LRRFIP1: variants seen among roughly 807,000 people sequenced by gnomAD.
LRRFIP1 encodes the protein leucine-rich repeat flightless-interacting protein 1.
In LRRFIP1, 62 loss-of-function variants were observed where a neutral mutation model predicts 104.4. The ratio of observed to expected loss-of-function variants is 0.59; its 90% CI spans 0.48 to 0.73. LRRFIP1 has a LOEUF of 0.73. LRRFIP1 is among the 30% of genes least tolerant of loss of function. LRRFIP1 has a pLI of 0.00. For synonymous variants in LRRFIP1, 300 were observed against 299.0 expected, an observed-to-expected ratio of 1.00 and a Z score of -0.03; for missense variants, 796 against 824.5, an observed-to-expected ratio of 0.97 and a Z score of 0.42.
At chr2:237,697,947 A>G (rs958566068) in intron 1 of LRRFIP1, among the ~76,000 whole-genome samples, 3 of 152,226 alleles carry the variant, frequency 2.0e-5, no homozygotes, top group African/African-American at 7.2e-5. Flanking sequence ...TAACAGCAAG[A>G]GTAGAAGTTC....
Position 237,774,460 on chromosome 2 carries a change from G to C in LRRFIP1, c.1810G>C (p.Glu604Gln), listed in dbSNP as rs1212813435. 2 of 1,606,128 alleles carry C rather than the reference G, an allele frequency of 1.2e-6. No individual in the cohort carries two copies. The highest frequency in any genetic ancestry group is 1.7e-6 in the Non-Finnish European group (2 of 1,173,568). Residue 604 changes from glutamate to glutamine, a missense_variant and splice_region_variant, in exon 23 of 24, where the codon GAG (glutamate) becomes CAG (glutamine). Coordinates refer to ENST00000308482, the MANE Select transcript of LRRFIP1 (RefSeq NM_001137550.2). ...LKAEKRKLQR[E>Q]LRSALDKTEE... ...GGCAGAAAAACGGAAACTCCAAAGAGAGGTAAATTTCCTAGGCAATTTCTA... is the reference window on the plus strand; with the variant it reads ...GGCAGAAAAACGGAAACTCCAAAGACAGGTAAATTTCCTAGGCAATTTCTA...
intron 1 of LRRFIP1, chr2:237,692,345 G>A: frequency 7.9e-7 from 1 of 1,264,142 alleles, no homozygotes; most frequent in Non-Finnish European, 1.0e-6. Context: ...TTAGCGGCGA[G>A]TGGCTCCGTC....
At chr2:237,777,997 G>A (rs1205687141) in intron 23 of LRRFIP1, among the ~76,000 whole-genome samples, 11 of 152,092 alleles carry the variant, frequency 7.2e-5, no homozygotes, top group Non-Finnish European at 1.6e-4. Flanking sequence ...GTTCATGTAT[G>A]TCCTCTTTTT....
In LRRFIP1 at chr2:237,769,977, A is replaced by T. The variant is rs753123434; in HGVS notation, c.1494A>T (p.Glu498Asp). 7 of 1,604,548 alleles carry T rather than the reference A, an allele frequency of 4.4e-6. No individual in the cohort carries two copies. In the East Asian group the frequency reaches 1.3e-4, roughly 31 times the overall value. ...IRLKKLVDER[E>D]CLLEQIKKLK... ...TGAAAAAGCTGGTTGATGAACGGGA[A>T]TGCTTATTGGAACAGGTAACAATCT... Residue 498 changes from glutamate (E) to aspartate (D), a missense_variant, in exon 20 of 24, where the codon GAA becomes GAT. Physicochemically the swap from Glu to Asp is conservative, Grantham distance 45 (BLOSUM62 2). Coordinates refer to ENST00000308482, the MANE Select transcript of LRRFIP1 (RefSeq NM_001137550.2).
At chr2:237,714,150 C>A in intron 2 of LRRFIP1, 109 bp from the exon 3 acceptor site, 1 of 665,708 alleles carries the variant, frequency 1.5e-6, no homozygotes, top group Non-Finnish European at 2.6e-6. Flanking sequence ...TTACTGTATT[C>A]GTTGTGACTT....
intron 1 of LRRFIP1, among the ~76,000 whole-genome samples, chr2:237,678,686 T>G (rs1295696733): frequency 1.3e-5 from 2 of 149,376 alleles, no homozygotes; most frequent in Non-Finnish European, 2.9e-5. Context: ...TTGGATTTTT[T>G]TAGTAGAGAC....
At chr2:237,748,000 C>T (rs897815917) in intron 11 of LRRFIP1, among the ~76,000 whole-genome samples, 3 of 152,176 alleles carry the variant, frequency 2.0e-5, no homozygotes, top group Non-Finnish European at 2.9e-5. Context: ...ACACCACTGC[C>T]GGCCTCTGCC....
chr2:237,661,640 C>T lies in LRRFIP1; in HGVS notation c.96+33900C>T, dbSNP rs1313822742. ...GATGGAATTTTTCAGTGATACCTAACATCTGTCCCAGAGCCATGCACGTTC... is the reference window on the plus strand; with the variant it reads ...GATGGAATTTTTCAGTGATACCTAATATCTGTCCCAGAGCCATGCACGTTC... On this transcript the variant is annotated intron_variant, in intron 1 of 23. Transcript: ENST00000308482. The surrounding 1 kb of genome is among the most constrained non-coding windows in gnomAD (Gnocchi z 4.4). Among the ~76,000 whole-genome samples, 2 of 152,206 alleles carry T rather than the reference C, an allele frequency of 1.3e-5. No homozygotes were observed. Among genetic ancestry groups the T allele is most frequent in the Non-Finnish European group, 2.9e-5 (2 of 68,042 alleles).
chr2:237,668,627 T>C (rs1156359672), intron 1 of LRRFIP1, among the ~76,000 whole-genome samples: 1 of 152,132 alleles, frequency 6.6e-6, no homozygotes. Flanking sequence ...CCAGCCTCAG[T>C]TCCCCCTCCT....
rs2094393788 is a variant in LRRFIP1 at position 237,717,709 on chromosome 2, C to T, written c.202-53C>T. On this transcript the variant is annotated intron_variant, in intron 3 of 23. Coordinates refer to ENST00000308482, the MANE Select transcript of LRRFIP1 (RefSeq NM_001137550.2). The surrounding 1 kb of genome is among the most constrained non-coding windows in gnomAD (Gnocchi z 4.2). ...GTCAGAACAGTGCCTTAGACAACTGCCTTTTTAAGAAATTTCACTTCTTGC... is the reference window on the plus strand; with the variant it reads ...GTCAGAACAGTGCCTTAGACAACTGTCTTTTTAAGAAATTTCACTTCTTGC... 2.9e-6 allele frequency: 4 copies of T among 1,362,782 alleles called. No homozygotes were observed. Among genetic ancestry groups the T allele is most frequent in the Non-Finnish European group, 3.2e-6 (3 of 951,076 alleles). 84.4% of individuals were successfully genotyped at this position (1,362,782 alleles called of 1,614,324 possible).
intron 11 of LRRFIP1, among the ~76,000 whole-genome samples, chr2:237,742,720 G>A (rs1364481933): frequency 1.3e-5 from 2 of 152,214 alleles, no homozygotes; most frequent in African/African-American, 2.4e-5. Context: ...TGGCCTTGTT[G>A]ATGGGAAGAA....
In LRRFIP1 at chr2:237,766,302, G is replaced by A. The variant is rs531284286; in HGVS notation, c.1460-3641G>A. Among the ~76,000 whole-genome samples, 1 of 152,262 alleles carries A rather than the reference G, an allele frequency of 6.6e-6. No homozygotes were observed. The highest frequency in any genetic ancestry group is 2.1e-4 in the South Asian group (1 of 4,826). On this transcript the variant is annotated intron_variant, in intron 19 of 23. Transcript: ENST00000308482. This position sits in a 1 kb window ranked among gnomAD's most constrained non-coding sequence, Gnocchi z 4.8. ...CTCAAGTGTCCTGAAGTAGAGGATG[G>A]TGGGGATGATAAATGCTTGCTAGGA...
In LRRFIP1 at chr2:237,717,031, T is replaced by A. The variant is rs2094359819; in HGVS notation, c.202-731T>A. 6.6e-6 allele frequency among the ~76,000 whole-genome samples: 1 copy of A among 151,978 alleles called. No individual in the cohort carries two copies. The highest frequency in any genetic ancestry group is 1.9e-4 in the East Asian group (1 of 5,190). ...AATTTTTTTTGCAATTTTTTTTTTT[T>A]AGCTTATCAGCTATCGTTAGTGTAG... On this transcript the variant is annotated intron_variant, in intron 3 of 23. Coordinates refer to ENST00000308482, the MANE Select transcript of LRRFIP1 (RefSeq NM_001137550.2). The surrounding 1 kb of genome is among the most constrained non-coding windows in gnomAD (Gnocchi z 4.2).
chr2:237,670,180 A>G (rs1244123662), intron 1 of LRRFIP1, among the ~76,000 whole-genome samples: 3 of 152,256 alleles, frequency 2.0e-5, no homozygotes, highest in African/African-American at 7.2e-5. Context: ...TGTCATGAGA[A>G]CACAGCTGGC....
chr2:237,697,879 T>C (rs1379696604), intron 1 of LRRFIP1, among the ~76,000 whole-genome samples: 1 of 152,222 alleles, frequency 6.6e-6, no homozygotes, highest in Non-Finnish European at 1.5e-5. Context: ...TCCATCATGT[T>C]GAGGCAATTG....
chr2:237,635,397 C>T lies in LRRFIP1; in HGVS notation c.96+7657C>T, dbSNP rs79261525. 7.3e-3 allele frequency among the ~76,000 whole-genome samples: 1,107 copies of T among 152,294 alleles called. 10 individuals carry two copies. The highest frequency in any genetic ancestry group is 0.025 in the African/African-American group (1,024 of 41,554). The stretch of plus-strand genomic sequence containing the variant: ...CCTGCATTTGAATAAAAATCACTGG[C>T]AGAACACAATGAAAGGAGTGTGGGG... On this transcript the variant is annotated intron_variant, in intron 1 of 23. Coordinates refer to ENST00000308482, the MANE Select transcript of LRRFIP1 (RefSeq NM_001137550.2).
At chr2:237,713,678 A>G (rs1465398906) in intron 2 of LRRFIP1, among the ~76,000 whole-genome samples, 1 of 152,232 alleles carries the variant, frequency 6.6e-6, no homozygotes, top group African/African-American at 2.4e-5. Flanking sequence ...AGTTTTATCT[A>G]GTGATTACTA....
intron 4 of LRRFIP1, among the ~76,000 whole-genome samples, chr2:237,718,383 C>T (rs1278623941): frequency 1.3e-5 from 2 of 152,208 alleles, no homozygotes; most frequent in Non-Finnish European, 2.9e-5. Flanking sequence ...AACTCCTTTA[C>T]CTTCTCCACC....
At chr2:237,773,635 A>G (rs997233156) in intron 22 of LRRFIP1, among the ~76,000 whole-genome samples, 4 of 152,202 alleles carry the variant, frequency 2.6e-5, no homozygotes, top group African/African-American at 9.7e-5. Context: ...TTTCTCTTGC[A>G]GCGAGGCCCG....
Sources: gnomAD v4.1 joint callset for allele counts (sites outside exome capture counted in the v4.1 genomes callset) on GRCh38, gnomAD v4.1.1 for gene constraint, Gnocchi (gnomAD v3.1) non-coding constraint, MANE v1.5 for transcripts, NCBI Gene and HGNC (gene_info 2026-07-23, HGNC 2026-07-21) for gene names.